LEPR: variants seen among roughly 807,000 people sequenced by gnomAD.
LEPR encodes leptin receptor.
A neutral mutation model predicts 114.7 loss-of-function variants in LEPR; 56 were observed. The observed-to-expected ratio is 0.49, with a 90% CI of 0.39 to 0.61. LEPR has a LOEUF of 0.61. Among genes scored for constraint, LEPR ranks in the 20% least tolerant of loss-of-function variants. The pLI, the probability that LEPR is intolerant of heterozygous loss-of-function variation, is 0.00. For synonymous variants in LEPR, 443 were observed against 461.4 expected (o/e 0.96, Z 0.51); for missense variants, 1,202 against 1,352.9 (o/e 0.89, Z 1.75).
intron 2 of LEPR, among the ~76,000 whole-genome samples, chr1:65,501,094 C>T (rs1648427820): frequency 6.6e-6 from 1 of 152,098 alleles, no homozygotes; most frequent in African/African-American, 2.4e-5. Flanking sequence ...CCTCTGACTT[C>T]TGAAACATTC....
At chr1:65,433,249 C>T in intron 2 of LEPR, 1 of 985,394 alleles carries the variant, frequency 1.0e-6, no homozygotes, top group Non-Finnish European at 1.2e-6. Context: ...ATATAGGAGC[C>T]ATGTAAGCAC....
At chr1:65,634,150 T>C (rs1658628077) in intron 19 of LEPR, 1 of 985,250 alleles carries the variant, frequency 1.0e-6, no homozygotes, top group Admixed American at 6.2e-5. Flanking sequence ...TTATGCTGCG[T>C]TGCTCACATT....
intron 2 of LEPR, among the ~76,000 whole-genome samples, chr1:65,513,024 T>G (rs189357291): frequency 2.0e-5 from 3 of 152,336 alleles, no homozygotes; most frequent in Admixed American, 2.0e-4. Flanking sequence ...CTTCACCTCC[T>G]TGACTCTTAC....
chr1:65,540,431 G>A (rs564538190), intron 2 of LEPR, among the ~76,000 whole-genome samples: 4 of 152,084 alleles, frequency 2.6e-5, no homozygotes, highest in Non-Finnish European at 5.9e-5. Context: ...TAATGAGTGA[G>A]TTCTTGCTCT....
At chr1:65,505,604 C>T (rs1482504773) in intron 2 of LEPR, among the ~76,000 whole-genome samples, 1 of 152,104 alleles carries the variant, frequency 6.6e-6, no homozygotes, top group East Asian at 1.9e-4. Flanking sequence ...CATCATGGTT[C>T]TGGCAGTGGC....
At chr1:65,465,211 T>G (rs1001145642) in intron 2 of LEPR, among the ~76,000 whole-genome samples, 18 of 152,226 alleles carry the variant, frequency 1.2e-4, no homozygotes, top group Non-Finnish European at 2.4e-4. Context: ...TCCCAGAGAT[T>G]CTGGTACATT....
chr1:65,486,418 C>A (rs952738591), intron 2 of LEPR: 1 of 152,100 alleles, frequency 6.6e-6, no homozygotes, highest in Admixed American at 6.6e-5. Context: ...TATTATATTT[C>A]TTTGACATGT....
At chr1:65,567,595 T>C (rs1030958262) in intron 3 of LEPR, among the ~76,000 whole-genome samples, 2 of 152,222 alleles carry the variant, frequency 1.3e-5, no homozygotes, top group South Asian at 4.1e-4. Flanking sequence ...TACCTATTTA[T>C]ATTAATTTAT....
intron 2 of LEPR, among the ~76,000 whole-genome samples, chr1:65,467,098 G>A (rs1210841728): frequency 6.6e-6 from 1 of 152,136 alleles, no homozygotes; most frequent in Non-Finnish European, 1.5e-5. Context: ...TTCCTTTGGA[G>A]GAGAAGAGGC....
intron 2 of LEPR, among the ~76,000 whole-genome samples, chr1:65,544,704 T>A (rs1651521697): frequency 7.6e-6 from 1 of 132,258 alleles, no homozygotes; most frequent in Non-Finnish European, 1.7e-5. Context: ...ATCATGCGGT[T>A]TTTTTTTGCA....
At chr1:65,464,218 C>A (rs563921535) in intron 2 of LEPR, among the ~76,000 whole-genome samples, 3 of 151,966 alleles carry the variant, frequency 2.0e-5, no homozygotes, top group South Asian at 2.1e-4. Context: ...TAGTTTATTG[C>A]GAGTTTTTAG....
chr1:65,636,634 A>T lies in LEPR; in HGVS notation c.3117A>T (p.Leu1039Phe), dbSNP rs1293434615. Residue 1039 changes from leucine to phenylalanine, a missense_variant, in exon 20 of 20, where the codon TTA becomes TTT. Physicochemically the swap from Leu to Phe is conservative, Grantham distance 22. Transcript: ENST00000349533. ...TAGAGGCCCAGGCATTTTTTATATT[A>T]TCAGATCAGCATCCCAACATAATTT... ...WEIEAQAFFI[L>F]SDQHPNIISP... is the part of the protein sequence containing the mutation. 6.2e-7 allele frequency: 1 copy of T among 1,613,052 alleles called. No homozygotes were observed. The highest frequency in any genetic ancestry group is 8.5e-7 in the Non-Finnish European group (1 of 1,179,500).
intron 2 of LEPR, among the ~76,000 whole-genome samples, chr1:65,530,559 C>T (rs149336530): frequency 0.011 from 1,704 of 152,198 alleles, 35 homozygotes; most frequent in African/African-American, 0.039. Context: ...CTTTTTAGAC[C>T]ATATTGGGTA....
At chr1:65,523,224 G>T (rs1649724347) in intron 2 of LEPR, among the ~76,000 whole-genome samples, 1 of 152,186 alleles carries the variant, frequency 6.6e-6, no homozygotes, top group African/African-American at 2.4e-5. Context: ...TCAAACACAA[G>T]TTGAGGGTTT....
intron 2 of LEPR, among the ~76,000 whole-genome samples, chr1:65,508,761 T>C (rs561764713): frequency 3.7e-4 from 57 of 152,294 alleles, no homozygotes; most frequent in Non-Finnish European, 6.2e-4. Context: ...GCAATGACTC[T>C]GTAGATTGCT....
chr1:65,425,836 A>G (rs1646351544), intron 2 of LEPR, among the ~76,000 whole-genome samples: 1 of 152,180 alleles, frequency 6.6e-6, no homozygotes, highest in African/African-American at 2.4e-5. Flanking sequence ...GATGAATAAG[A>G]GTTTTTCAGG....
intron 2 of LEPR, among the ~76,000 whole-genome samples, chr1:65,453,115 T>G (rs1225991396): frequency 6.6e-6 from 1 of 152,198 alleles, no homozygotes; most frequent in African/African-American, 2.4e-5. Context: ...TCTGTGGGAT[T>G]GGTGGTGATA....
intron 12 of LEPR, among the ~76,000 whole-genome samples, chr1:65,609,604 G>A (rs531170288): frequency 7.2e-5 from 11 of 152,306 alleles, no homozygotes; most frequent in Admixed American, 6.5e-4. Flanking sequence ...TAACCAATAC[G>A]TTTAAATTCT....
At chr1:65,554,056 C>A (rs1652630778) in intron 2 of LEPR, among the ~76,000 whole-genome samples, 1 of 152,144 alleles carries the variant, frequency 6.6e-6, no homozygotes, top group Non-Finnish European at 1.5e-5. Context: ...AGCAAAGATT[C>A]CTGCCTGTTC....
Sources: allele counts gnomAD v4.1 joint callset (sites outside exome capture counted in the v4.1 genomes callset), GRCh38; gene constraint gnomAD v4.1.1; transcripts MANE v1.5; gene names NCBI Gene and HGNC (gene_info 2026-07-23, HGNC 2026-07-21).